The following KIR2DL3 variants were observed in gnomAD, a reference collection of about 807,000 sequenced individuals.
KIR2DL3 encodes killer cell immunoglobulin-like receptor 2DL3.
In KIR2DL3, 39 loss-of-function variants were observed where a neutral mutation model predicts 33.8. The ratio of observed to expected loss-of-function variants is 1.15; its 90% CI spans 0.89 to 1.51. The LOEUF is 1.51. Among genes scored for constraint, KIR2DL3 ranks in the 40% most tolerant of loss-of-function variants. The pLI is 0.00. For missense variants in KIR2DL3, 462 were observed against 426.2 expected (o/e 1.08, Z -0.74); for synonymous variants, 174 against 160.2 (o/e 1.09, Z -0.65).
At chr19:54,747,438 C>A (rs1362609275) in intron 5 of KIR2DL3, 53 bp downstream of exon 5, 74 of 1,580,076 alleles carry the variant, frequency 4.7e-5, no homozygotes, top group South Asian at 1.3e-4. Flanking sequence ...GAGGTAGAAA[C>A]CTTCGATGCA....
chr19:54,742,321 G>A (rs369037677), intron 3 of KIR2DL3, 42 bp downstream of exon 3: 16 of 1,609,574 alleles, frequency 9.9e-6, no homozygotes, highest in Non-Finnish European at 1.3e-5. Flanking sequence ...GGGATGCAGA[G>A]TGAATGATCC....
chr19:54,749,595 T>C (rs200666279), intron 5 of KIR2DL3, among the ~76,000 whole-genome samples: 9,750 of 70,846 alleles, frequency 0.14, 606 homozygotes, highest in African/African-American at 0.2. Flanking sequence ...ATGAAGAGAC[T>C]TATTATAGCA....
rs1331019502 is a variant in KIR2DL3 at position 54,743,957 on chromosome 19, A to C, written c.533A>C (p.Asn178Thr). 1 of 1,614,230 alleles carries C rather than the reference A, an allele frequency of 6.2e-7. No homozygotes were observed. The highest frequency in any genetic ancestry group is 1.1e-5 in the South Asian group (1 of 91,084). Residue 178 changes from asparagine (N) to threonine (T), a missense_variant, in exon 4 of 8, where the codon AAC becomes ACC. Physicochemically the swap from Asn to Thr is moderately conservative, Grantham distance 65. Transcript: ENST00000342376. ...ERRFSAGPKV[N>T]GTFQADFPLG... ...AGGTTCTCTGCAGGGCCCAAGGTCA[A>C]CGGAACATTCCAGGCCGACTTTCCT...
rs554832074 is a variant in KIR2DL3 at position 54,743,679 on chromosome 19, G to A, written c.371-116G>A. 5.6e-4 allele frequency: 140 copies of A among 247,990 alleles called. 1 individual carries two copies. Among genetic ancestry groups the A allele is most frequent in the East Asian group, 4.3e-3 (72 of 16,706 alleles). The allele number at this position is 247,990 out of a possible 1,614,324, so 15.4% of individuals were successfully genotyped here. ...TGAAGAGAGATGGGGTGGAGGGTGAGAGAGAGAGAGAGAGAGAGCATTAGG... is the reference window on the plus strand; with the variant it reads ...TGAAGAGAGATGGGGTGGAGGGTGAAAGAGAGAGAGAGAGAGAGCATTAGG... On this transcript the variant is annotated intron_variant, in intron 3 of 7. Transcript: ENST00000342376.
At chr19:54,743,065 A>C (rs1483225345) in intron 3 of KIR2DL3, among the ~76,000 whole-genome samples, 3 of 151,940 alleles carry the variant, frequency 2.0e-5, no homozygotes, top group Non-Finnish European at 4.4e-5. Context: ...AGGCACAAGG[A>C]CATAGAAACA....
In KIR2DL3 at chr19:54,740,756, A is replaced by C. The variant is rs143672146; in HGVS notation, c.70+1214A>C. Among the ~76,000 whole-genome samples the C allele has an allele frequency of 6.3e-3, 952 of 151,792 alleles. 5 individuals carry two copies. The highest frequency in any genetic ancestry group is 0.01 in the Middle Eastern group (3 of 294). ...ATTCTAATCCCTGGAGTCTGTGACT[A>C]TTTATGTTATAGGGGAAGGGACTGA... On this transcript the variant is annotated intron_variant, in intron 2 of 7. Coordinates refer to ENST00000342376, the MANE Select transcript of KIR2DL3 (RefSeq NM_015868.3).
intron 4 of KIR2DL3, 128 bp downstream of exon 4, chr19:54,744,216 A>C (rs2071806077): frequency 8.3e-6 from 12 of 1,438,846 alleles, no homozygotes; most frequent in Non-Finnish European, 1.1e-5. Context: ...TGAGGGAGGG[A>C]TCAGGGCACA....
In KIR2DL3 at chr19:54,742,012, C is replaced by A; in HGVS notation, c.103C>A (p.Pro35Thr). 7 of 1,611,928 alleles carry A rather than the reference C, an allele frequency of 4.3e-6. No homozygotes were observed. The highest frequency in any genetic ancestry group is 1.7e-5 in the Admixed American group (1 of 59,898). ...VHRKPSLLAHPGPLVKSEETV... is the reference protein window; with the variant it reads ...VHRKPSLLAHTGPLVKSEETV... ...CAGAAAACCTTCCCTCCTGGCCCACCCAGGTCCCCTGGTGAAATCAGAAGA... is the reference window on the plus strand; with the variant it reads ...CAGAAAACCTTCCCTCCTGGCCCACACAGGTCCCCTGGTGAAATCAGAAGA... Residue 35 changes from proline to threonine, a missense_variant, in exon 3 of 8, where the codon CCA (proline) becomes ACA (threonine). By Grantham distance (38) the Pro-to-Thr change is conservative (BLOSUM62 -1). Coordinates refer to ENST00000342376, the MANE Select transcript of KIR2DL3 (RefSeq NM_015868.3).
Position 54,744,927 on chromosome 19 carries a change from T to C in KIR2DL3, c.664+839T>C, listed in dbSNP as rs12981464. Among the ~76,000 whole-genome samples, 11 of 16,602 alleles carry C rather than the reference T, an allele frequency of 6.6e-4. 1 individual carries two copies. The highest frequency in any genetic ancestry group is 3.3e-3 in the Admixed American group (4 of 1,206). The allele number at this position is 16,602 out of a possible 152,430, so 10.9% of individuals were successfully genotyped here. ...ACACACACACATATATAAACATATA[T>C]ATATATATATATATATATATATATA... On this transcript the variant is annotated intron_variant, in intron 4 of 7. Transcript: ENST00000342376.
chr19:54,742,126 A>T lies in KIR2DL3; in HGVS notation c.217A>T (p.Ile73Phe). ...EGKFKDTLHL[I>F]GEHHDGVSKA... Reference sequence around the variant, plus strand: ...GAAGTTTAAGGACACTTTGCACCTCATTGGAGAGCACCATGATGGGGTCTC... The same window carrying T: ...GAAGTTTAAGGACACTTTGCACCTCTTTGGAGAGCACCATGATGGGGTCTC... Residue 73 changes from isoleucine (I) to phenylalanine (F), a missense_variant, in exon 3 of 8, where the codon ATT (isoleucine) becomes TTT (phenylalanine). Ile to Phe is a conservative substitution (Grantham distance 21). Coordinates refer to ENST00000342376, the MANE Select transcript of KIR2DL3 (RefSeq NM_015868.3). The T allele has an allele frequency of 6.2e-7, 1 of 1,614,016 alleles. No individual in the cohort carries two copies. The highest frequency in any genetic ancestry group is 8.5e-7 in the Non-Finnish European group (1 of 1,179,982).
rs2073651716 is a variant in KIR2DL3, at chr19:54,752,588, C to A, written c.*69C>A. The A allele has an allele frequency of 1.1e-5, 16 of 1,448,258 alleles. 6 individuals are homozygous for A. Among genetic ancestry groups the A allele is most frequent in the Non-Finnish European group, 1.4e-5 (15 of 1,062,784 alleles). The allele number at this position is 1,448,258 out of a possible 1,614,324, so 89.7% of individuals were successfully genotyped here. On this transcript the variant is annotated 3_prime_UTR_variant, in exon 8 of 8. Coordinates refer to ENST00000342376, the MANE Select transcript of KIR2DL3 (RefSeq NM_015868.3). ...AGGGGATCTTCTAGGGAGACAACAG[C>A]CCTGTCTCAAAACTGGGTTGCCAGC...
At chr19:54,746,940 C>A (rs1212125210) in intron 4 of KIR2DL3, among the ~76,000 whole-genome samples, 16 of 147,198 alleles carry the variant, frequency 1.1e-4, no homozygotes, top group Admixed American at 4.2e-4. Flanking sequence ...CGAGATTGCA[C>A]CTCTGCACTC....
intron 3 of KIR2DL3, among the ~76,000 whole-genome samples, chr19:54,743,017 G>A (rs1182625968): frequency 6.6e-6 from 1 of 151,822 alleles, no homozygotes; most frequent in African/African-American, 2.4e-5. Flanking sequence ...TGATGGCAGG[G>A]AGCAGAGAAA....
Position 54,745,974 on chromosome 19 carries a change from A to T in KIR2DL3, c.665-1361A>T, listed in dbSNP as rs1555909456. Among the ~76,000 whole-genome samples, 25 of 107,938 alleles carry T rather than the reference A, an allele frequency of 2.3e-4. 6 individuals are homozygous for T. The highest frequency in any genetic ancestry group is 4.4e-4 in the East Asian group (2 of 4,522). 70.8% of individuals were successfully genotyped at this position (107,938 alleles called of 152,430 possible). Reference sequence around the variant, plus strand: ...ATTACAGGCACACGCCACCACGCCCAACTAAATTTTGTATTTTTAGTAGAG... The same window carrying T: ...ATTACAGGCACACGCCACCACGCCCTACTAAATTTTGTATTTTTAGTAGAG... On this transcript the variant is annotated intron_variant, in intron 4 of 7. Transcript: ENST00000342376.
At position 54,743,899 on chromosome 19, in the gene KIR2DL3, C is replaced by T. The variant is rs1486397908; in HGVS notation, c.475C>T (p.His159Tyr). 6.2e-7 allele frequency: 1 copy of T among 1,613,946 alleles called. No individual in the cohort carries two copies. Among genetic ancestry groups the T allele is most frequent in the Non-Finnish European group, 8.5e-7 (1 of 1,180,008 alleles). The change falls in exon 4 of 8, where the codon CAT becomes TAT. Residue 159 changes from histidine to tyrosine, a missense_variant. By Grantham distance (83) the His-to-Tyr change is moderately conservative. Coordinates refer to ENST00000342376, the MANE Select transcript of KIR2DL3 (RefSeq NM_015868.3). ...CSSRSSYDMY[H>Y]LSREGEAHER... is the part of the protein sequence containing the mutation. The stretch of plus-strand genomic sequence containing the variant: ...CTCCCGGAGCTCCTATGACATGTAC[C>T]ATCTATCCAGGGAGGGGGAGGCCCA...
intron 2 of KIR2DL3, 31 bp downstream of exon 2, chr19:54,739,573 T>C: frequency 6.2e-7 from 1 of 1,613,876 alleles, no homozygotes; most frequent in South Asian, 1.1e-5. Flanking sequence ...TCGGGTGTCA[T>C]CTCCCCACAT....
chr19:54,744,701 A>G (rs2071954069), intron 4 of KIR2DL3, among the ~76,000 whole-genome samples: 1 of 149,740 alleles, frequency 6.7e-6, no homozygotes, highest in Non-Finnish European at 1.5e-5. Flanking sequence ...TACTTTTTGT[A>G]TTTTTAGTAG....
Position 54,744,140 on chromosome 19 carries a change from G to T in KIR2DL3, c.664+52G>T, listed in dbSNP as rs1363300181. The T allele has an allele frequency of 3.1e-6, 5 of 1,605,966 alleles. No individual in the cohort carries two copies. The African/African-American group carries it at 5.4e-5, about 17-fold the overall frequency. On this transcript the variant is annotated intron_variant, in intron 4 of 7. Transcript: ENST00000342376. Reference sequence around the variant, plus strand: ...GTCCTATGATCCTAGAGCCTTAGCTGAGGAGCTTCCTGCTGATGATGGAGA... The same window carrying T: ...GTCCTATGATCCTAGAGCCTTAGCTTAGGAGCTTCCTGCTGATGATGGAGA...
At chr19:54,750,878 C>T (rs1422955484) in intron 5 of KIR2DL3, among the ~76,000 whole-genome samples, 1 of 133,108 alleles carries the variant, frequency 7.5e-6, no homozygotes, top group Non-Finnish European at 1.6e-5. Flanking sequence ...CAGAGAGCAG[C>T]CCAGCCTGGG....
Sources: allele counts gnomAD v4.1 joint callset (sites outside exome capture counted in the v4.1 genomes callset), GRCh38; gene constraint gnomAD v4.1.1; transcripts MANE v1.5; gene names NCBI Gene and HGNC (gene_info 2026-07-23, HGNC 2026-07-21).